GOLGA6L6: variants seen among roughly 807,000 people sequenced by gnomAD.
GOLGA6L6 encodes golgin subfamily A member 6-like protein 6.
GOLGA6L6 carries 12 observed loss-of-function variants against 75.6 expected under a neutral mutation model. The observed-to-expected ratio is 0.16, with a 90% CI of 0.10 to 0.26. GOLGA6L6 has a LOEUF of 0.26. Among genes scored for constraint, GOLGA6L6 ranks in the 10% least tolerant of loss-of-function variants. GOLGA6L6 has a pLI of 1.00. For missense variants in GOLGA6L6, 144 were observed against 598.5 expected (o/e 0.24, Z 7.92); for synonymous variants, 38 against 179.2 (o/e 0.21, Z 6.29).
chr15:20,536,503 A>C lies in GOLGA6L6; in HGVS notation c.603-20T>G. The C allele has an allele frequency of 1.4e-6, 1 of 703,728 alleles. No individual in the cohort carries two copies. Among genetic ancestry groups the C allele is most frequent in the Non-Finnish European group, 2.0e-6 (1 of 505,564 alleles). 43.6% of individuals were successfully genotyped at this position (703,728 alleles called of 1,614,324 possible). ...GTTATCCTATGGCCAGAGGCAGTAG[A>C]GAAAGGAATGAATGAAGAACATAAA... On this transcript the variant is annotated intron_variant, in intron 6 of 8. Coordinates refer to ENST00000619213, the MANE Select transcript of GOLGA6L6 (RefSeq NM_001145004.2).
At chr15:20,541,021 T>TG (rs1184964222) in intron 1 of GOLGA6L6, among the ~76,000 whole-genome samples, 6 of 43,914 alleles carry the variant, frequency 1.4e-4, no homozygotes, top group East Asian at 4.5e-4. Flanking sequence ...GTGGAGTGGT[T>TG]GGGGGGGACA....
rs1890440281 is a variant in GOLGA6L6 at position 20,539,284 on chromosome 15, C to A, written c.291+489G>T. 3.7e-5 allele frequency among the ~76,000 whole-genome samples: 2 copies of A among 53,486 alleles called. 1 individual carries two copies. Among genetic ancestry groups the A allele is most frequent in the Non-Finnish European group, 7.5e-5 (2 of 26,544 alleles). The allele number at this position is 53,486 out of a possible 152,430, so 35.1% of individuals were successfully genotyped here. A position where few individuals can be genotyped will look rare whatever the true frequency, so the allele number is the denominator to read the frequency against. ...CGCCAGCTTGTGATTTAGAAAGGTG[C>A]ATTCACTCAGCAAACGTTGAGCACA... On this transcript the variant is annotated intron_variant, in intron 2 of 8. Coordinates refer to ENST00000619213, the MANE Select transcript of GOLGA6L6 (RefSeq NM_001145004.2).
rs1322780099 is a variant in GOLGA6L6, at chr15:20,534,886, C to T, written c.1548G>A (p.Glu516=). 35 of 1,355,470 alleles carry T rather than the reference C, an allele frequency of 2.6e-5. No individual in the cohort carries two copies. The highest frequency in any genetic ancestry group is 2.2e-4 in the Middle Eastern group (1 of 4,448). The allele number at this position is 1,355,470 out of a possible 1,614,324, so 84.0% of individuals were successfully genotyped here. ...CTTCCTCCCTCCACATCTCCTCCTG[C>T]TCCCGTATCTTCTCCTCCTGCCTCC... ...KMWRQEEKIR[E]QEEMWREEEK... The change falls in exon 8 of 9, where the codon GAG becomes GAA. Residue 516 remains glutamate (E), a synonymous_variant. Coordinates refer to ENST00000619213, the MANE Select transcript of GOLGA6L6 (RefSeq NM_001145004.2).
rs778451143 is a variant in GOLGA6L6, at chr15:20,534,663, G to A, written c.1771C>T (p.Gln591Ter). 2 of 1,096,616 alleles carry A rather than the reference G, an allele frequency of 1.8e-6. No individual in the cohort carries two copies. Among genetic ancestry groups the A allele is most frequent in the East Asian group, 8.0e-5 (1 of 12,538 alleles). The allele number at this position is 1,096,616 out of a possible 1,614,324, so 67.9% of individuals were successfully genotyped here. ...TCCTGCTCCCGTATCTTCTCCTCCT[G>A]CTCCCTTATCTTCTCCTCCTGCTTC... ...MWKQEEKIREQEEKIREQEEK... is the reference protein window; with the variant it reads ...MWKQEEKIRE The change falls in exon 8 of 9, where the codon CAG becomes TAG. Residue 591 changes from glutamine (Q) to a stop codon, truncating the protein, a stop_gained. Transcript: ENST00000619213. LOFTEE classifies it high-confidence loss of function.
rs1292885275 is a variant in GOLGA6L6, at chr15:20,534,440, A to G, written c.1994T>C (p.Ile665Thr). Residue 665 changes from isoleucine to threonine, a missense_variant, in exon 8 of 9, where the codon ATA (isoleucine) becomes ACA (threonine). Physicochemically the swap from Ile to Thr is moderately conservative, Grantham distance 89. Transcript: ENST00000619213. ...CTGCATCATCTCCTCCTGCTCTCGT[A>G]TCTTCTCCTCCTGCTCCCGTATCTT... ...EKKIREQEEK[I>T]REQEEMMQEQ... The G allele has an allele frequency of 6.3e-6, 9 of 1,432,860 alleles. No individual in the cohort carries two copies. Among genetic ancestry groups the G allele is most frequent in the South Asian group, 5.2e-5 (4 of 76,210 alleles). The allele number at this position is 1,432,860 out of a possible 1,614,324, so 88.8% of individuals were successfully genotyped here.
rs1184346639 is a variant in GOLGA6L6, at chr15:20,532,547, G to A, written c.*1056C>T. 7.1e-6 allele frequency: 1 copy of A among 141,836 alleles called. No homozygotes were observed. The highest frequency in any genetic ancestry group is 2.7e-5 in the African/African-American group (1 of 36,760). The allele number at this position is 141,836 out of a possible 1,614,324, so 8.8% of individuals were successfully genotyped here. On this transcript the variant is annotated 3_prime_UTR_variant, in exon 9 of 9. Coordinates refer to ENST00000619213, the MANE Select transcript of GOLGA6L6 (RefSeq NM_001145004.2). ...AAACAACAAAAAAAGGACAGATGAA[G>A]GTTTTCAACTTTCAGTAAAGGCAGA... is the stretch of plus-strand genomic sequence containing the variant.
chr15:20,535,009 C>T lies in GOLGA6L6; in HGVS notation c.1425G>A (p.Gln475=), dbSNP rs1184933945. Residue 475 remains glutamine (Q), a synonymous_variant, in exon 8 of 9, where the codon CAG becomes CAA. Coordinates refer to ENST00000619213, the MANE Select transcript of GOLGA6L6 (RefSeq NM_001145004.2). ...IWRQKEKMHE[Q]EEKIRKQEEK... is the part of the protein sequence containing the mutation. ...CCTCCTGCTTCCGTATCTTCTCCTC[C>T]TGCTCGTGCATCTTCTCCTTTTGCC... is the stretch of plus-strand genomic sequence containing the variant. The T allele has an allele frequency of 2.1e-6, 3 of 1,456,710 alleles. No individual in the cohort carries two copies. Among genetic ancestry groups the T allele is most frequent in the Non-Finnish European group, 2.8e-6 (3 of 1,082,658 alleles). The allele number at this position is 1,456,710 out of a possible 1,614,324, so 90.2% of individuals were successfully genotyped here. A position where few individuals can be genotyped will look rare whatever the true frequency, so the allele number is the denominator to read the frequency against.
chr15:20,539,323 C>T lies in GOLGA6L6; in HGVS notation c.291+450G>A, dbSNP rs1185691501. Among the ~76,000 whole-genome samples the T allele has an allele frequency of 1.9e-4, 9 of 47,162 alleles. No individual in the cohort carries two copies. In the East Asian group the frequency reaches 4.7e-3, roughly 25 times the overall value. 30.9% of individuals were successfully genotyped at this position (47,162 alleles called of 152,430 possible). A position where few individuals can be genotyped will look rare whatever the true frequency, so the allele number is the denominator to read the frequency against. On this transcript the variant is annotated intron_variant, in intron 2 of 8. Coordinates refer to ENST00000619213, the MANE Select transcript of GOLGA6L6 (RefSeq NM_001145004.2). ...ACGTTGAGCACATACGGGCCAGGGA[C>T]GGTTCTTCACAGCGGGAATAGAGGT...
At chr15:20,537,507 C>T (rs1890395219) in intron 5 of GOLGA6L6, among the ~76,000 whole-genome samples, 1 of 146,936 alleles carries the variant, frequency 6.8e-6, no homozygotes, top group African/African-American at 2.5e-5. Flanking sequence ...AGTGCTTCAC[C>T]AGGCACTATG....
intron 5 of GOLGA6L6, among the ~76,000 whole-genome samples, chr15:20,537,803 C>CA (rs1187866419): frequency 7.3e-6 from 1 of 137,844 alleles, no homozygotes; most frequent in Non-Finnish European, 1.6e-5. Flanking sequence ...TATCTCCCCC[C>CA]AACACTGTGC....
chr15:20,537,056 T>C lies in GOLGA6L6; in HGVS notation c.544-184A>G, dbSNP rs1238506710. 1.0e-3 allele frequency among the ~76,000 whole-genome samples: 38 copies of C among 37,724 alleles called. 3 individuals are homozygous for C. The highest frequency in any genetic ancestry group is 1.2e-3 in the Non-Finnish European group (24 of 19,420). The allele number at this position is 37,724 out of a possible 152,430, so 24.7% of individuals were successfully genotyped here. On this transcript the variant is annotated intron_variant, in intron 5 of 8. Coordinates refer to ENST00000619213, the MANE Select transcript of GOLGA6L6 (RefSeq NM_001145004.2). The stretch of plus-strand genomic sequence containing the variant: ...TTTTTCTTTCTTTCTTTCTTTCTTT[T>C]TTTTTTTTTTTTTTGGCAGAGTTTC...
In GOLGA6L6 at chr15:20,534,780, T is replaced by C. The variant is rs753609942; in HGVS notation, c.1654A>G (p.Lys552Glu). 6.5e-5 allele frequency: 79 copies of C among 1,224,398 alleles called. 4 individuals carry two copies. The highest frequency in any genetic ancestry group is 8.1e-5 in the Non-Finnish European group (71 of 874,040). 75.8% of individuals were successfully genotyped at this position (1,224,398 alleles called of 1,614,324 possible). Residue 552 changes from lysine to glutamate, a missense_variant, in exon 8 of 9, where the codon AAG (lysine) becomes GAG (glutamate). By Grantham distance (56) the Lys-to-Glu change is moderately conservative. Coordinates refer to ENST00000619213, the MANE Select transcript of GOLGA6L6 (RefSeq NM_001145004.2). The part of the protein sequence containing the change: ...QEDKMWRQEE[K>E]IREQEEKVWR... ...ACCTTCTCCTCCTGCTCCCGTATCT[T>C]CTCCTCCTGCCTCCACATCTTATCC...
chr15:20,534,950 TC>T lies in GOLGA6L6; in HGVS notation c.1483del (p.Glu495SerfsTer94). 1 of 1,500,208 alleles carries T rather than the reference TC, an allele frequency of 6.7e-7. No homozygotes were observed. Among genetic ancestry groups the T allele is most frequent in the African/African-American group, 1.5e-5 (1 of 68,154 alleles). The allele number at this position is 1,500,208 out of a possible 1,614,324, so 92.9% of individuals were successfully genotyped here. A position where few individuals can be genotyped will look rare whatever the true frequency, so the allele number is the denominator to read the frequency against. The stretch of plus-strand genomic sequence containing the variant: ...CTGCTCCCGTATCTTCTCCTCCTGC[TC>T]CCGTATCTTCTCCTCCTGCCTCCAC... ...KVWRQEEKIR[E>X]QEEKIREQEE... On this transcript the variant is annotated frameshift_variant, in exon 8 of 9. Coordinates refer to ENST00000619213, the MANE Select transcript of GOLGA6L6 (RefSeq NM_001145004.2). LOFTEE classifies it high-confidence loss of function.
At position 20,536,504 on chromosome 15, in the gene GOLGA6L6, G is replaced by C. The variant is rs1890372308; in HGVS notation, c.603-21C>G. 1.6e-5 allele frequency: 11 copies of C among 698,612 alleles called. 4 individuals are homozygous for C. The highest frequency in any genetic ancestry group is 2.2e-5 in the Non-Finnish European group (11 of 501,696). 43.3% of individuals were successfully genotyped at this position (698,612 alleles called of 1,614,324 possible). On this transcript the variant is annotated intron_variant, in intron 6 of 8. Transcript: ENST00000619213. ...TTATCCTATGGCCAGAGGCAGTAGAGAAAGGAATGAATGAAGAACATAAAA... is the reference window on the plus strand; with the variant it reads ...TTATCCTATGGCCAGAGGCAGTAGACAAAGGAATGAATGAAGAACATAAAA...
intron 2 of GOLGA6L6, 59 bp from the exon 3 acceptor site, chr15:20,538,745 G>T (rs80042697): frequency 0.04 from 55,775 of 1,383,730 alleles, 930 homozygotes; most frequent in East Asian, 0.1. Context: ...CACAGCAAGA[G>T]ACATGCCCCC....
At position 20,534,377 on chromosome 15, in the gene GOLGA6L6, A is replaced by T; in HGVS notation, c.2057T>A (p.Met686Lys). ...EEKMWEQEEK[M>K]CEQEEKMQEQ... ...TTGCATCTTCTCTTCCTGCTCACAC[A>T]TCTTCTCCTCCTGCTCCCACATCTT... Residue 686 changes from methionine to lysine, a missense_variant, in exon 8 of 9, where the codon ATG becomes AAG. Physicochemically the swap from Met to Lys is moderately conservative, Grantham distance 95. Transcript: ENST00000619213. The T allele has an allele frequency of 7.1e-7, 1 of 1,404,782 alleles. No homozygotes were observed. Among genetic ancestry groups the T allele is most frequent in the Non-Finnish European group, 9.5e-7 (1 of 1,055,204 alleles). The allele number at this position is 1,404,782 out of a possible 1,614,324, so 87.0% of individuals were successfully genotyped here.
rs1890218972 is a variant in GOLGA6L6, at chr15:20,531,874, G to T, written c.*1729C>A. On this transcript the variant is annotated 3_prime_UTR_variant, in exon 9 of 9. Transcript: ENST00000619213. Reference sequence around the variant, plus strand: ...GTGGGCTGCTGGGCCAGGAAGAGTTGTTTATTTTTCAGGGTTTGTTTATCT... The same window carrying T: ...GTGGGCTGCTGGGCCAGGAAGAGTTTTTTATTTTTCAGGGTTTGTTTATCT... 1.4e-5 allele frequency: 1 copy of T among 72,734 alleles called. No homozygotes were observed. The highest frequency in any genetic ancestry group is 5.0e-5 in the African/African-American group (1 of 20,160). The allele number at this position is 72,734 out of a possible 1,614,324, so 4.5% of individuals were successfully genotyped here. A position where few individuals can be genotyped will look rare whatever the true frequency, so the allele number is the denominator to read the frequency against.
At chr15:20,538,764 AC>A in intron 2 of GOLGA6L6, 78 bp from the exon 3 acceptor site, 1 of 1,243,406 alleles carries the variant, frequency 8.0e-7, no homozygotes. Context: ...CCAGAATGGC[AC>A]CACTGCCCCA....
At position 20,533,177 on chromosome 15, in the gene GOLGA6L6, A is replaced by G. The variant is rs1890258477; in HGVS notation, c.*426T>C. 1 of 179,340 alleles carries G rather than the reference A, an allele frequency of 5.6e-6. No homozygotes were observed. The highest frequency in any genetic ancestry group is 1.6e-4 in the South Asian group (1 of 6,356). The allele number at this position is 179,340 out of a possible 1,614,324, so 11.1% of individuals were successfully genotyped here. A position where few individuals can be genotyped will look rare whatever the true frequency, so the allele number is the denominator to read the frequency against. On this transcript the variant is annotated 3_prime_UTR_variant, in exon 9 of 9. Transcript: ENST00000619213. ...TAAGGAAGAAACTTTTTTTTTTGAGACGGAGTTTCGCTCTGTCACCAGGCT... is the reference window on the plus strand; with the variant it reads ...TAAGGAAGAAACTTTTTTTTTTGAGGCGGAGTTTCGCTCTGTCACCAGGCT...
Sources: gnomAD v4.1 joint callset for allele counts (sites outside exome capture counted in the v4.1 genomes callset) on GRCh38, gnomAD v4.1.1 for gene constraint, MANE v1.5 for transcripts, NCBI Gene and HGNC (gene_info 2026-07-23, HGNC 2026-07-21) for gene names.